Variants in AKR1C3 observed in about 807,000 individuals in gnomAD.
AKR1C3 encodes the protein aldo-keto reductase family 1 member C3, also known as 3-alpha hydroxysteroid dehydrogenase, type II.
In AKR1C3, 48 loss-of-function variants were observed where a neutral mutation model predicts 43.6. The observed-to-expected ratio is 1.10, with a 90% confidence interval of 0.87 to 1.40. The LOEUF is 1.40. Ranked by LOEUF, AKR1C3 falls within the 40% of genes most tolerant of loss-of-function variation. The probability of loss-of-function intolerance (pLI) is 0.00; values close to 1 mark genes in which losing one functional copy is unlikely to be tolerated. For missense variants in AKR1C3, 482 were observed against 391.2 expected, an observed-to-expected ratio of 1.23 and a Z score of -1.96; for synonymous variants, 162 against 139.6, an observed-to-expected ratio of 1.16 and a Z score of -1.13.
In AKR1C3 at chr10:5,087,207, G is replaced by A. The variant is rs566565308; in HGVS notation, c.85-9203G>A. On this transcript the variant is annotated intron_variant, in intron 1 of 8. Transcript: ENST00000439082. ...GCATGTTTTTGCAGTGGCTGGTACC[G>A]TTTGTTCCTTTCCATGTTTAGTGCT... Among the ~76,000 whole-genome samples, 22 of 152,214 alleles carry A rather than the reference G, an allele frequency of 1.4e-4. 1 individual carries two copies. The South Asian group carries it at 4.1e-3, about 29-fold the overall frequency.
At chr10:5,063,363 G>A (rs1267222947) in intron 1 of AKR1C3, among the ~76,000 whole-genome samples, 2 of 151,950 alleles carry the variant, frequency 1.3e-5, no homozygotes, top group Non-Finnish European at 2.9e-5. Context: ...ACAGAACAGA[G>A]AATAACTGTG....
chr10:5,091,106 G>C (rs1360541794), upstream of AKR1C3, among the ~76,000 whole-genome samples: 69 of 151,858 alleles, frequency 4.5e-4, no homozygotes, highest in Non-Finnish European at 1.8e-4. Flanking sequence ...CCAGACGATT[G>C]AGCAACCACC....
At chr10:5,075,707 T>C (rs1838702292) in intron 1 of AKR1C3, among the ~76,000 whole-genome samples, 1 of 152,078 alleles carries the variant, frequency 6.6e-6, no homozygotes, top group African/African-American at 2.4e-5. Flanking sequence ...AAACCCTGTC[T>C]CTACTAAAAA....
intron 1 of AKR1C3, among the ~76,000 whole-genome samples, chr10:5,069,580 A>C (rs538965265): frequency 1.1e-4 from 16 of 152,178 alleles, no homozygotes; most frequent in South Asian, 2.1e-4. Flanking sequence ...AACCCTAAAA[A>C]GCAAGAATTC....
At chr10:5,061,253 T>C (rs144491977) in intron 1 of AKR1C3, among the ~76,000 whole-genome samples, 4,476 of 152,258 alleles carry the variant, frequency 0.029, 96 homozygotes, top group Middle Eastern at 0.11. Context: ...GAGGTGGGCA[T>C]GGATGATTTC....
Position 5,100,174 on chromosome 10 carries a change from A to C in AKR1C3, c.570+725A>C, listed in dbSNP as rs547609377. ...CTGAGTTTGGTGGCACACGCCTGTAATCCCAGCTACTTGGGAGGCTGAGGC... is the reference window on the plus strand; with the variant it reads ...CTGAGTTTGGTGGCACACGCCTGTACTCCCAGCTACTTGGGAGGCTGAGGC... On this transcript the variant is annotated intron_variant, in intron 5 of 8. Coordinates refer to ENST00000380554, the MANE Select transcript of AKR1C3 (RefSeq NM_003739.6). 3.9e-5 allele frequency among the ~76,000 whole-genome samples: 6 copies of C among 152,280 alleles called. No homozygotes were observed. The South Asian group carries it at 1.2e-3, about 32-fold the overall frequency.
At chr10:5,091,067 C>T (rs968656028), upstream of AKR1C3, among the ~76,000 whole-genome samples, 6 of 151,566 alleles carry the variant, frequency 4.0e-5, no homozygotes, top group African/African-American at 1.5e-4. Context: ...GAGTGTAGAA[C>T]ATGTTCAAAT....
chr10:5,107,400 C>G, intron 8 of AKR1C3, 61 bp from the exon 9 acceptor site: 2 of 1,221,118 alleles, frequency 1.6e-6, no homozygotes, highest in East Asian at 2.4e-5. Flanking sequence ...ATTGAAATCA[C>G]TTTACTACTC....
At chr10:5,068,521 A>AAAAAC (rs1554781006) in intron 1 of AKR1C3, among the ~76,000 whole-genome samples, 7 of 149,698 alleles carry the variant, frequency 4.7e-5, no homozygotes, top group African/African-American at 1.2e-4. Context: ...AAAAAAAAAA[A>AAAAAC]AAAACACATT....
chr10:5,050,789 TTG>T, intron 1 of AKR1C3, among the ~76,000 whole-genome samples: 1 of 152,358 alleles, frequency 6.6e-6, no homozygotes, highest in East Asian at 1.9e-4. Flanking sequence ...TTCCTGGATA[TTG>T]GACCCTGTAT....
chr10:5,053,046 C>A (rs1183694404), intron 1 of AKR1C3, among the ~76,000 whole-genome samples: 8 of 152,240 alleles, frequency 5.3e-5, no homozygotes, highest in Non-Finnish European at 8.8e-5. Context: ...AAAGGTTCTC[C>A]AAGTCCCCAC....
At chr10:5,072,249 C>T (rs892373622) in intron 1 of AKR1C3, among the ~76,000 whole-genome samples, 2 of 152,134 alleles carry the variant, frequency 1.3e-5, no homozygotes, top group Non-Finnish European at 2.9e-5. Context: ...CACTAAAATA[C>T]GAGGTAATGA....
intron 1 of AKR1C3, among the ~76,000 whole-genome samples, chr10:5,063,896 T>C (rs1180191762): frequency 2.2e-4 from 33 of 151,440 alleles, no homozygotes; most frequent in Non-Finnish European, 4.3e-4. Flanking sequence ...TCCATCACTG[T>C]GGGGACATGA....
chr10:5,098,928 ATC>A lies in AKR1C3; in HGVS notation c.447+51_447+52del, dbSNP rs782748616. 6.1e-6 allele frequency: 9 copies of A among 1,476,810 alleles called. No individual in the cohort carries two copies. In the African/African-American group the frequency reaches 1.1e-4, roughly 19 times the overall value. 91.5% of individuals were successfully genotyped at this position (1,476,810 alleles called of 1,614,324 possible). On this transcript the variant is annotated intron_variant, in intron 4 of 8. Transcript: ENST00000380554. Reference sequence around the variant, plus strand: ...CAGAGAAGGATGACAAAAAGAGAAAATCTGTTTCCCAGGTTCAATAGGAAAGA... The same window carrying A: ...CAGAGAAGGATGACAAAAAGAGAAAATGTTTCCCAGGTTCAATAGGAAAGA...
At chr10:5,078,954 T>A (rs1838774619) in intron 1 of AKR1C3, among the ~76,000 whole-genome samples, 1 of 152,160 alleles carries the variant, frequency 6.6e-6, no homozygotes, top group Non-Finnish European at 1.5e-5. Context: ...TCACTAGACG[T>A]GTTCATGTAA....
In AKR1C3 at chr10:5,097,418, T is replaced by C; in HGVS notation, c.253-16T>C. The C allele has an allele frequency of 6.2e-7, 1 of 1,611,752 alleles. No individual in the cohort carries two copies. Among genetic ancestry groups the C allele is most frequent in the Non-Finnish European group, 8.5e-7 (1 of 1,179,074 alleles). On this transcript the variant is annotated splice_polypyrimidine_tract_variant and intron_variant, in intron 2 of 8. Coordinates refer to ENST00000380554, the MANE Select transcript of AKR1C3 (RefSeq NM_003739.6). ...AGCATTCATTCAAAATCACCTCCAT[T>C]CTTTAACCTCTGCAGCTTTGGTCCA...
At chr10:5,059,718 C>A (rs1838340317) in intron 1 of AKR1C3, among the ~76,000 whole-genome samples, 2 of 152,078 alleles carry the variant, frequency 1.3e-5, no homozygotes, top group African/African-American at 4.8e-5. Context: ...CAAAAGGGGT[C>A]TGATGGTACT....
chr10:5,051,320 C>G (rs1838149267), intron 1 of AKR1C3, among the ~76,000 whole-genome samples: 1 of 152,208 alleles, frequency 6.6e-6, no homozygotes, highest in African/African-American at 2.4e-5. Context: ...TGGTCTCAAA[C>G]TCCTGACCTC....
intron 4 of AKR1C3, 65 bp downstream of exon 4, chr10:5,098,944 C>A: frequency 1.5e-6 from 2 of 1,348,926 alleles, no homozygotes; most frequent in East Asian, 2.3e-5. Context: ...TTCCCAGGTT[C>A]AATAGGAAAG....
Sources: gnomAD v4.1 joint callset for allele counts (sites outside exome capture counted in the v4.1 genomes callset) on GRCh38, gnomAD v4.1.1 for gene constraint, MANE v1.5 for transcripts, NCBI Gene and HGNC (gene_info 2026-07-23, HGNC 2026-07-21) for gene names.